Variants in YTHDC1 observed in about 807,000 individuals in gnomAD.
YTHDC1 encodes the protein YTH N6-methyladenosine RNA binding protein C1.
Under a neutral mutation model 107.0 loss-of-function variants are expected in YTHDC1, and 12 were observed. That is an observed-to-expected ratio of 0.11 (90% CI 0.07 to 0.18). The LOEUF (loss-of-function observed/expected upper bound fraction) is 0.18. YTHDC1 is among the 10% of genes least tolerant of loss of function. The pLI is 1.00. For missense variants in YTHDC1, 635 were observed against 898.8 expected (o/e 0.71, Z 3.75); for synonymous variants, 280 against 289.5 (o/e 0.97, Z 0.33).
intron 9 of YTHDC1, among the ~76,000 whole-genome samples, chr4:68,324,914 A>C (rs1722816409): frequency 6.6e-6 from 1 of 152,200 alleles, no homozygotes; most frequent in Non-Finnish European, 1.5e-5. Context: ...GGTCTCACCA[A>C]ACTTAAAAAG....
chr4:68,325,923 T>C (rs1262509138), intron 9 of YTHDC1, among the ~76,000 whole-genome samples: 1 of 152,070 alleles, frequency 6.6e-6, no homozygotes, highest in Admixed American at 6.6e-5. Flanking sequence ...GAGTCAAAAA[T>C]ACTGAATTTT....
chr4:68,331,745 A>T lies in YTHDC1; in HGVS notation c.1122+358T>A, dbSNP rs531296244. Among the ~76,000 whole-genome samples, 11 of 152,154 alleles carry T rather than the reference A, an allele frequency of 7.2e-5. No individual in the cohort carries two copies. In the East Asian group the frequency reaches 2.1e-3, roughly 29 times the overall value. On this transcript the variant is annotated intron_variant, in intron 7 of 16. Transcript: ENST00000344157. ...AAAGTGTAAATCAAGCATCAACATA[A>T]AACAAAAATTGGTTAACTACAGGTA...
intron 5 of YTHDC1, 78 bp downstream of exon 5, chr4:68,333,230 C>G (rs1578051247): frequency 8.8e-7 from 1 of 1,138,772 alleles, no homozygotes; most frequent in South Asian, 1.4e-5. Context: ...CAAGTTCACA[C>G]TAAACTACAG....
chr4:68,320,296 G>A, intron 11 of YTHDC1, 91 bp from the exon 12 acceptor site: 1 of 832,076 alleles, frequency 1.2e-6, no homozygotes, highest in Non-Finnish European at 1.8e-6. Context: ...TAAGTACAAA[G>A]AATAACCCAT....
chr4:68,316,421 G>A lies in YTHDC1; in HGVS notation c.1852C>T (p.Pro618Ser), dbSNP rs756931567. The A allele has an allele frequency of 1.2e-6, 2 of 1,613,942 alleles. No individual in the cohort carries two copies. The highest frequency in any genetic ancestry group is 1.1e-5 in the South Asian group (1 of 91,058). ...MPPYPGMEQP[P>S]HHPYYQHHAP... ...TGGTGCTGATAGTAAGGATGGTGTG[G>A]AGGTTGTTCCATTCCTGGGTAAGGG... The change falls in exon 16 of 17, where the codon CCA (proline) becomes TCA (serine). Residue 618 changes from proline to serine, a missense_variant. Physicochemically the swap from Pro to Ser is moderately conservative, Grantham distance 74 (BLOSUM62 -1). Around this residue, in one of 5 missense-constraint regions of YTHDC1, gnomAD observed 256 missense variants for 372.9 expected, o/e 0.69. Transcript: ENST00000344157.
intron 16 of YTHDC1, among the ~76,000 whole-genome samples, chr4:68,315,558 A>G (rs1460589375): frequency 6.6e-6 from 1 of 152,106 alleles, no homozygotes; most frequent in African/African-American, 2.4e-5. Flanking sequence ...ACTTATATGC[A>G]TATGAATTAT....
rs559831453 is a variant in YTHDC1 at position 68,343,578 on chromosome 4, G to A, written c.29-5194C>T. Among the ~76,000 whole-genome samples, 375 of 137,496 alleles carry A rather than the reference G, an allele frequency of 2.7e-3. 1 individual carries two copies. The highest frequency in any genetic ancestry group is 9.6e-3 in the African/African-American group (351 of 36,582). 90.2% of individuals were successfully genotyped at this position (137,496 alleles called of 152,430 possible). A position where few individuals can be genotyped will look rare whatever the true frequency, so the allele number is the denominator to read the frequency against. ...TTTTTGAGACAGTCTCACTGTTGCCGAGGCTGGAGTGCAGTGACATGATCT... is the reference window on the plus strand; with the variant it reads ...TTTTTGAGACAGTCTCACTGTTGCCAAGGCTGGAGTGCAGTGACATGATCT... On this transcript the variant is annotated intron_variant, in intron 1 of 16. Coordinates refer to ENST00000344157, the MANE Select transcript of YTHDC1 (RefSeq NM_001031732.4).
chr4:68,326,937 A>G (rs895741166), intron 9 of YTHDC1, among the ~76,000 whole-genome samples: 9 of 151,406 alleles, frequency 5.9e-5, no homozygotes, highest in Non-Finnish European at 1.2e-4. Context: ...GATTAAAGTT[A>G]AAAAGAAAAA....
chr4:68,328,296 C>T (rs939969948), intron 9 of YTHDC1, among the ~76,000 whole-genome samples: 9 of 152,146 alleles, frequency 5.9e-5, no homozygotes, highest in Non-Finnish European at 1.3e-4. Context: ...ACAACGTTTC[C>T]TCTGGCCTTT....
intron 7 of YTHDC1, among the ~76,000 whole-genome samples, chr4:68,331,890 T>TGA (rs1291604283): frequency 6.7e-6 from 1 of 150,368 alleles, no homozygotes; most frequent in Non-Finnish European, 1.5e-5. Context: ...TTTAATATTC[T>TGA]GACCCCTAAA....
intron 7 of YTHDC1, among the ~76,000 whole-genome samples, chr4:68,330,634 G>A (rs1578045558): frequency 6.6e-6 from 1 of 152,082 alleles, no homozygotes; most frequent in South Asian, 2.1e-4. Flanking sequence ...ACCATTTACT[G>A]TGGTAAATAC....
Position 68,324,183 on chromosome 4 carries a change from G to A in YTHDC1, c.1390C>T (p.Pro464Ser). The change falls in exon 10 of 17, where the codon CCT becomes TCT. Residue 464 changes from proline to serine, a missense_variant. By Grantham distance (74) the Pro-to-Ser change is moderately conservative. This residue lies in a region of YTHDC1 where 256 missense variants were observed against 372.9 expected (regional missense o/e 0.69). Transcript: ENST00000344157. ...PFTKSAHLTN[P>S]WNEHKPVKIG... Reference sequence around the variant, plus strand: ...TTTACTGGTTTATGTTCATTCCAAGGATTGGTGAGATGAGCCGACTTAGTG... The same window carrying A: ...TTTACTGGTTTATGTTCATTCCAAGAATTGGTGAGATGAGCCGACTTAGTG... 1 of 1,613,950 alleles carries A rather than the reference G, an allele frequency of 6.2e-7. No homozygotes were observed.
At chr4:68,325,148 GTACA>G (rs1339860849) in intron 9 of YTHDC1, among the ~76,000 whole-genome samples, 3 of 152,174 alleles carry the variant, frequency 2.0e-5, no homozygotes, top group Non-Finnish European at 2.9e-5. Flanking sequence ...TTCAGCCAAA[GTACA>G]TACAAAGACG....
In YTHDC1 at chr4:68,313,983, A is replaced by T; in HGVS notation, c.*116T>A. The T allele has an allele frequency of 9.2e-7, 1 of 1,082,914 alleles. No individual in the cohort carries two copies. The highest frequency in any genetic ancestry group is 1.4e-6 in the Non-Finnish European group (1 of 737,182). 67.1% of individuals were successfully genotyped at this position (1,082,914 alleles called of 1,614,324 possible). A position where few individuals can be genotyped will look rare whatever the true frequency, so the allele number is the denominator to read the frequency against. On this transcript the variant is annotated 3_prime_UTR_variant, in exon 17 of 17. Coordinates refer to ENST00000344157, the MANE Select transcript of YTHDC1 (RefSeq NM_001031732.4). ...AAAGGGGGTCATAATAAATCCTTCT[A>T]CACAATGAACTTCATAGGCAGACAG...
In YTHDC1 at chr4:68,322,571, G is replaced by T; in HGVS notation, c.1601+178C>A. Reference sequence around the variant, plus strand: ...GATCCCCATTTTCCTCTTGAAAAATGACTGAGACCAAGGTGACCATGTGAA... The same window carrying T: ...GATCCCCATTTTCCTCTTGAAAAATTACTGAGACCAAGGTGACCATGTGAA... On this transcript the variant is annotated intron_variant, in intron 11 of 16. Transcript: ENST00000344157. This position sits in a 1 kb window ranked among gnomAD's most constrained non-coding sequence, Gnocchi z 4.8. 1.4e-6 allele frequency: 1 copy of T among 689,688 alleles called. No homozygotes were observed. 42.7% of individuals were successfully genotyped at this position (689,688 alleles called of 1,614,324 possible).
Position 68,335,583 on chromosome 4 carries a change from T to A in YTHDC1, c.883+1444A>T, listed in dbSNP as rs190438177. Among the ~76,000 whole-genome samples, 3 of 152,244 alleles carry A rather than the reference T, an allele frequency of 2.0e-5. No individual in the cohort carries two copies. In the East Asian group the frequency reaches 5.8e-4, roughly 29 times the overall value. On this transcript the variant is annotated intron_variant, in intron 4 of 16. Transcript: ENST00000344157. ...ATTTAAGTAAGTTCCCTTTGTTTAATGTAAACAATACAAACATTAAAGTCT... is the reference window on the plus strand; with the variant it reads ...ATTTAAGTAAGTTCCCTTTGTTTAAAGTAAACAATACAAACATTAAAGTCT...
At chr4:68,345,885 T>C (rs1725352651) in intron 1 of YTHDC1, among the ~76,000 whole-genome samples, 1 of 151,984 alleles carries the variant, frequency 6.6e-6, no homozygotes, top group Non-Finnish European at 1.5e-5. Context: ...GCCCAACAGA[T>C]CTGTTGCCTA....
chr4:68,334,421 T>C (rs936937078), intron 4 of YTHDC1, among the ~76,000 whole-genome samples: 2 of 151,540 alleles, frequency 1.3e-5, no homozygotes, highest in African/African-American at 4.8e-5. Context: ...TGAAGAAACC[T>C]TGAATTAGAC....
Position 68,313,741 on chromosome 4 carries a change from C to T in YTHDC1, c.*358G>A, listed in dbSNP as rs1721501433. The T allele has an allele frequency of 4.3e-6, 1 of 230,696 alleles. No homozygotes were observed. Among genetic ancestry groups the T allele is most frequent in the African/African-American group, 2.3e-5 (1 of 43,996 alleles). 14.3% of individuals were successfully genotyped at this position (230,696 alleles called of 1,614,324 possible). Reference sequence around the variant, plus strand: ...GTAGAAACACATCAAAGCAAAATATCATGGCAGTTATCAATCAAGATCCAA... The same window carrying T: ...GTAGAAACACATCAAAGCAAAATATTATGGCAGTTATCAATCAAGATCCAA... On this transcript the variant is annotated 3_prime_UTR_variant, in exon 17 of 17. Transcript: ENST00000344157.
Sources: gnomAD v4.1 joint callset for allele counts (sites outside exome capture counted in the v4.1 genomes callset) on GRCh38, gnomAD v4.1.1 for gene constraint, gnomAD v4.1.1 regional missense constraint, Gnocchi (gnomAD v3.1) non-coding constraint, MANE v1.5 for transcripts, NCBI Gene and HGNC (gene_info 2026-07-23, HGNC 2026-07-21) for gene names.